The following RERE variants were observed in gnomAD, a reference collection of about 807,000 sequenced individuals.
RERE encodes the protein arginine-glutamic acid dipeptide repeats protein.
RERE carries 40 observed loss-of-function variants against 146.1 expected under a neutral mutation model. The ratio of observed to expected loss-of-function variants is 0.27; its 90% CI spans 0.21 to 0.36. RERE has a LOEUF of 0.36. Among genes scored for constraint, RERE ranks in the 10% least tolerant of loss-of-function variants. The pLI, the probability that RERE is intolerant of heterozygous loss-of-function variation, is 1.00. For missense variants in RERE, 1,933 were observed against 2,138.7 expected, an observed-to-expected ratio of 0.90 and a Z score of 1.90; for synonymous variants, 1,003 against 866.0, an observed-to-expected ratio of 1.16 and a Z score of -2.78.
chr1:8,428,296 T>A (rs938973937), intron 11 of RERE, among the ~76,000 whole-genome samples: 1 of 152,202 alleles, frequency 6.6e-6, no homozygotes, highest in Non-Finnish European at 1.5e-5. Flanking sequence ...TGGCACTTGT[T>A]TCTCTGGTGT....
intron 1 of RERE, among the ~76,000 whole-genome samples, chr1:8,682,455 G>A (rs1008143591): frequency 2.0e-5 from 3 of 152,102 alleles, no homozygotes; most frequent in Admixed American, 1.3e-4. Context: ...GAACTTTCCT[G>A]TGGGCACTGT....
intron 1 of RERE, among the ~76,000 whole-genome samples, chr1:8,792,021 A>G (rs1641373436): frequency 1.3e-5 from 2 of 152,058 alleles, no homozygotes; most frequent in African/African-American, 2.4e-5. Flanking sequence ...TGAGCCCAGG[A>G]GGTCAAGGCT....
intron 11 of RERE, among the ~76,000 whole-genome samples, chr1:8,448,190 G>A (rs572968758): frequency 3.3e-5 from 5 of 152,172 alleles, no homozygotes; most frequent in South Asian, 2.1e-4. Flanking sequence ...ATGTTTCTTC[G>A]ATGACGTTTC....
At chr1:8,579,601 C>T (rs986921533) in intron 4 of RERE, among the ~76,000 whole-genome samples, 9 of 152,238 alleles carry the variant, frequency 5.9e-5, no homozygotes, top group Admixed American at 1.3e-4. Flanking sequence ...ACTGCCTCTG[C>T]ATTAATAAAG....
chr1:8,502,464 G>T (rs1485737239), intron 8 of RERE, among the ~76,000 whole-genome samples: 1 of 119,996 alleles, frequency 8.3e-6, no homozygotes, highest in South Asian at 2.7e-4. Flanking sequence ...GGAGGGTGGT[G>T]GGGGGGTCAG....
intron 4 of RERE, among the ~76,000 whole-genome samples, chr1:8,603,937 T>C (rs1304444869): frequency 6.9e-5 from 1 of 14,468 alleles, no homozygotes; most frequent in Admixed American, 5.9e-4. Context: ...AGACCCTGTC[T>C]CAAAAAAAAA....
At chr1:8,679,064 GCA>G (rs1327475306) in intron 1 of RERE, among the ~76,000 whole-genome samples, 3 of 152,228 alleles carry the variant, frequency 2.0e-5, no homozygotes, top group African/African-American at 7.2e-5. Flanking sequence ...ACACTGGACA[GCA>G]CAGACACAGA....
chr1:8,355,681 C>A, intron 21 of RERE, 82 bp from the exon 22 acceptor site: 16 of 1,246,498 alleles, frequency 1.3e-5, no homozygotes, highest in Non-Finnish European at 1.6e-5. Flanking sequence ...CAGCAAACGG[C>A]AAAGAGCACA....
Position 8,675,271 on chromosome 1 carries a change from T to C in RERE, c.-144-18830A>G, listed in dbSNP as rs376997818. Among the ~76,000 whole-genome samples, 8 of 152,204 alleles carry C rather than the reference T, an allele frequency of 5.3e-5. No homozygotes were observed. In the South Asian group the frequency reaches 1.0e-3, roughly 20 times the overall value. ...TATGTGCTGCTTTCTTCCCTATATA[T>C]AGGCCTGTCACTTTCGATATAGTTT... On this transcript the variant is annotated intron_variant, in intron 1 of 22. Transcript: ENST00000400908.
intron 11 of RERE, among the ~76,000 whole-genome samples, chr1:8,428,804 A>G (rs1230779264): frequency 1.3e-5 from 2 of 152,228 alleles, no homozygotes; most frequent in Non-Finnish European, 2.9e-5. Context: ...TAACAATAAC[A>G]TAAAAATAAA....
chr1:8,469,947 C>T (rs1217850307), intron 10 of RERE, among the ~76,000 whole-genome samples: 3 of 151,936 alleles, frequency 2.0e-5, no homozygotes, highest in African/African-American at 7.3e-5. Flanking sequence ...CTCCTCTGAA[C>T]AAGTCCTGGC....
chr1:8,374,879 C>T (rs72864293), intron 12 of RERE, among the ~76,000 whole-genome samples: 1 of 152,232 alleles, frequency 6.6e-6, no homozygotes, highest in African/African-American at 2.4e-5. Context: ...ATACCACCCC[C>T]ACCTCCTCCT....
At chr1:8,530,686 T>C (rs1046346810) in intron 7 of RERE, among the ~76,000 whole-genome samples, 3 of 100,270 alleles carry the variant, frequency 3.0e-5, no homozygotes, top group Non-Finnish European at 6.9e-5. Flanking sequence ...TTTCTTTTTT[T>C]TTTTTTTTTT....
intron 4 of RERE, among the ~76,000 whole-genome samples, chr1:8,614,149 G>A (rs1017914623): frequency 1.4e-4 from 22 of 152,138 alleles, no homozygotes; most frequent in African/African-American, 4.8e-4. Context: ...AATGTCACCC[G>A]AGAGGACAAC....
intron 2 of RERE, among the ~76,000 whole-genome samples, chr1:8,634,182 C>T (rs938477305): frequency 2.6e-5 from 4 of 152,198 alleles, no homozygotes; most frequent in East Asian, 1.9e-4. Context: ...CTACTACAAC[C>T]GCTCTTCCCA....
In RERE at chr1:8,359,066, G is replaced by C; in HGVS notation, c.3619-150C>G. 2.9e-6 allele frequency: 3 copies of C among 1,020,610 alleles called. No homozygotes were observed. In the South Asian group the frequency reaches 6.2e-5, roughly 21 times the overall value. The allele number at this position is 1,020,610 out of a possible 1,614,324, so 63.2% of individuals were successfully genotyped here. On this transcript the variant is annotated intron_variant, in intron 19 of 22. Transcript: ENST00000400908. ...CGGAGACCCGGCCCTGCCTTGGCCT[G>C]ACACCAGGATGCAGTCCAGGCCCCA... is the stretch of plus-strand genomic sequence containing the variant.
intron 6 of RERE, among the ~76,000 whole-genome samples, chr1:8,544,481 C>A (rs1025323533): frequency 1.3e-5 from 2 of 151,994 alleles, no homozygotes; most frequent in African/African-American, 4.8e-5. Context: ...ATACCATGGA[C>A]AAATCTCAAA....
intron 1 of RERE, among the ~76,000 whole-genome samples, chr1:8,785,602 C>CT (rs1460631682): frequency 2.6e-5 from 4 of 152,208 alleles, no homozygotes; most frequent in Non-Finnish European, 4.4e-5. Context: ...ATTTTAAACT[C>CT]TAATTAACTC....
intron 11 of RERE, chr1:8,428,578 G>A (rs1028447206): frequency 3.9e-5 from 6 of 152,080 alleles, no homozygotes; most frequent in African/African-American, 7.2e-5. Context: ...TTAACTTCTG[G>A]CTTTAAAAAA....
Sources: gnomAD v4.1 joint callset for allele counts (sites outside exome capture counted in the v4.1 genomes callset) on GRCh38, gnomAD v4.1.1 for gene constraint, MANE v1.5 for transcripts, NCBI Gene and HGNC (gene_info 2026-07-23, HGNC 2026-07-21) for gene names.